Variants in PSMG2 observed in about 807,000 individuals in gnomAD.
The protein encoded by PSMG2 is CD40 ligand-activated specific transcript 3.
A neutral mutation model predicts 31.5 loss-of-function variants in PSMG2; 21 were observed. The ratio of observed to expected loss-of-function variants is 0.67; its 90% confidence interval spans 0.47 to 0.96. The LOEUF (loss-of-function observed/expected upper bound fraction) is 0.96, where lower values mean the gene tolerates loss of function less well. Among genes scored for constraint, PSMG2 ranks in the 40% least tolerant of loss-of-function variants. The pLI, the probability that PSMG2 is intolerant of heterozygous loss-of-function variation, is 0.00. For missense variants in PSMG2, 318 were observed against 321.2 expected, an observed-to-expected ratio of 0.99 and a Z score of 0.08; for synonymous variants, 120 against 110.4, an observed-to-expected ratio of 1.09 and a Z score of -0.54.
chr18:12,686,113 G>T, intron 1 of PSMG2: 2 of 500,958 alleles, frequency 4.0e-6, no homozygotes, highest in South Asian at 4.2e-5. Flanking sequence ...TTTTTGATCT[G>T]CAGTTGGTTG....
At chr18:12,713,655 A>T (rs891625188) in intron 3 of PSMG2, among the ~76,000 whole-genome samples, 3 of 152,184 alleles carry the variant, frequency 2.0e-5, no homozygotes, top group Non-Finnish European at 4.4e-5. Context: ...CTACTTGGCC[A>T]TATTGGTTCC....
chr18:12,722,786 T>C (rs1255533889), intron 5 of PSMG2, among the ~76,000 whole-genome samples: 2 of 152,234 alleles, frequency 1.3e-5, no homozygotes, highest in Admixed American at 1.3e-4. Context: ...AATATTGAAA[T>C]GATTATCCCA....
At chr18:12,659,869 T>C (rs2038660216) in intron 1 of PSMG2, among the ~76,000 whole-genome samples, 2 of 152,198 alleles carry the variant, frequency 1.3e-5, no homozygotes, top group Non-Finnish European at 2.9e-5. Flanking sequence ...TGTGACACTA[T>C]ATACATATAA....
intron 1 of PSMG2, chr18:12,678,116 T>C: frequency 6.2e-7 from 1 of 1,608,734 alleles, no homozygotes; most frequent in Non-Finnish European, 8.5e-7. Context: ...TACCTTCCTG[T>C]GTTCTGACAC....
intron 1 of PSMG2, among the ~76,000 whole-genome samples, chr18:12,660,382 C>T (rs12955693): frequency 0.24 from 35,842 of 150,900 alleles, 5,554 homozygotes; most frequent in Non-Finnish European, 0.34. Flanking sequence ...GGGTCAGTGC[C>T]GCGATTTCAG....
In PSMG2 at chr18:12,724,546, A is replaced by G; in HGVS notation, c.629A>G (p.Glu210Gly). Reference sequence around the variant, plus strand: ...GCAGTTCTGCTGAAATTTGTTTCAGAAGGGGACAACATCCCAGATGCATTA... The same window carrying G: ...GCAGTTCTGCTGAAATTTGTTTCAGGAGGGGACAACATCCCAGATGCATTA... ...QMAVLLKFVS[E>G]GDNIPDALGL... is the part of the protein sequence containing the mutation. The change falls in exon 6 of 7, where the codon GAA (glutamate) becomes GGA (glycine). Residue 210 changes from glutamate to glycine, a missense_variant. Transcript: ENST00000317615. The G allele has an allele frequency of 6.2e-7, 1 of 1,609,884 alleles. No homozygotes were observed. The highest frequency in any genetic ancestry group is 8.5e-7 in the Non-Finnish European group (1 of 1,178,436).
Position 12,690,941 on chromosome 18 carries a change from C to A in PSMG2, c.-36-15609C>A, listed in dbSNP as rs535153114. Among the ~76,000 whole-genome samples, 316 of 149,434 alleles carry A rather than the reference C, an allele frequency of 2.1e-3. 3 individuals carry two copies. The highest frequency in any genetic ancestry group is 3.2e-3 in the East Asian group (16 of 5,042). ...CAAAAAATATATATATGCCCAGAGCCCCCCCCCGTTCTGCACACAAGAGCT... is the reference window on the plus strand; with the variant it reads ...CAAAAAATATATATATGCCCAGAGCACCCCCCCGTTCTGCACACAAGAGCT... On this transcript the variant is annotated intron_variant, in intron 1 of 6. Transcript: ENST00000585331.
intron 2 of PSMG2, among the ~76,000 whole-genome samples, chr18:12,709,547 G>C (rs960584653): frequency 6.6e-6 from 1 of 150,546 alleles, no homozygotes; most frequent in African/African-American, 2.5e-5. Context: ...TGCCCAGGCT[G>C]TAGTGCAATG....
At chr18:12,713,253 A>G (rs1360629641) in intron 3 of PSMG2, among the ~76,000 whole-genome samples, 2 of 151,846 alleles carry the variant, frequency 1.3e-5, no homozygotes, top group Non-Finnish European at 2.9e-5. Context: ...CCACATCACT[A>G]CTCTCTTTGA....
intron 1 of PSMG2, among the ~76,000 whole-genome samples, chr18:12,659,337 G>A (rs1194891068): frequency 2.0e-5 from 3 of 152,124 alleles, no homozygotes; most frequent in Non-Finnish European, 4.4e-5. Context: ...GAATGGGGAG[G>A]AGGGAGAAAA....
chr18:12,724,752 G>T, intron 6 of PSMG2, 133 bp downstream of exon 6: 1 of 1,040,642 alleles, frequency 9.6e-7, no homozygotes, highest in Non-Finnish European at 1.3e-6. Context: ...ATAAAATTTA[G>T]TTTAAGCTGA....
intron 3 of PSMG2, among the ~76,000 whole-genome samples, chr18:12,716,616 G>T (rs1009641970): frequency 5.9e-5 from 9 of 151,898 alleles, no homozygotes; most frequent in Admixed American, 2.6e-4. Context: ...GGATGGTCTC[G>T]ATCTCCTGAC....
chr18:12,720,799 C>A, intron 5 of PSMG2, 116 bp downstream of exon 5: 1 of 1,035,272 alleles, frequency 9.7e-7, no homozygotes, highest in Non-Finnish European at 1.3e-6. Flanking sequence ...GACTCTGTCT[C>A]AAACAAAAAA....
intron 1 of PSMG2, among the ~76,000 whole-genome samples, chr18:12,675,193 G>C (rs1048039389): frequency 6.6e-6 from 1 of 152,104 alleles, no homozygotes; most frequent in African/African-American, 2.4e-5. Flanking sequence ...TCAGGAGATT[G>C]AGACCATCCT....
At chr18:12,698,823 G>A, upstream of PSMG2, 1 of 604,606 alleles carries the variant, frequency 1.7e-6, no homozygotes, top group South Asian at 2.3e-5. Context: ...TTGCAAGAAG[G>A]TGGATAGTAG....
chr18:12,724,710 A>G (rs1177743982), intron 6 of PSMG2, 91 bp downstream of exon 6: 7 of 1,243,728 alleles, frequency 5.6e-6, no homozygotes, highest in Non-Finnish European at 5.3e-6. Context: ...CAAGTAAGTG[A>G]ACGTTTGTAT....
intron 1 of PSMG2, among the ~76,000 whole-genome samples, chr18:12,659,289 A>G (rs1468879546): frequency 2.6e-5 from 4 of 152,184 alleles, no homozygotes; most frequent in Non-Finnish European, 5.9e-5. Flanking sequence ...AAATAACAAC[A>G]GTCTATTAAA....
chr18:12,703,511 C>T (rs942830554), intron 1 of PSMG2, among the ~76,000 whole-genome samples: 4 of 152,208 alleles, frequency 2.6e-5, no homozygotes, highest in African/African-American at 9.6e-5. Context: ...TAGTCTTAAG[C>T]TAGCATATTA....
At chr18:12,705,050 A>G (rs1396787631) in intron 1 of PSMG2, among the ~76,000 whole-genome samples, 3 of 151,868 alleles carry the variant, frequency 2.0e-5, no homozygotes. Context: ...GTTTAGGTAG[A>G]TTGAATAATA....
Sources: allele counts gnomAD v4.1 joint callset (sites outside exome capture counted in the v4.1 genomes callset), GRCh38; gene constraint gnomAD v4.1.1; transcripts MANE v1.5; gene names NCBI Gene and HGNC (gene_info 2026-07-23, HGNC 2026-07-21).